COL24A1: variants seen among roughly 807,000 people sequenced by gnomAD.
COL24A1 encodes collagen type XXIV alpha 1 chain.
A neutral mutation model predicts 253.9 loss-of-function variants in COL24A1; 224 were observed. That is an observed-to-expected ratio of 0.88 (90% CI 0.79 to 0.99). The LOEUF is 0.99. COL24A1 is among the 50% of genes least tolerant of loss of function. COL24A1 has a pLI of 0.00. For missense variants in COL24A1, 2,131 were observed against 2,068.5 expected (o/e 1.03, Z -0.59); for synonymous variants, 685 against 673.7 (o/e 1.02, Z -0.26).
rs1272676207 is a variant in COL24A1 at position 85,832,642 on chromosome 1, G to C, written c.3681+5943C>G. On this transcript the variant is annotated intron_variant, in intron 43 of 59. Coordinates refer to ENST00000370571, the MANE Select transcript of COL24A1 (RefSeq NM_152890.7). The stretch of plus-strand genomic sequence containing the variant: ...AGTTCTCCTTGAAGAGGTCCTTCAC[G>C]TCCCTTGTAAGTTGGATTCCTAGGT... 2.7e-5 allele frequency among the ~76,000 whole-genome samples: 4 copies of C among 150,624 alleles called. No individual in the cohort carries two copies. In the East Asian group the frequency reaches 7.8e-4, roughly 29 times the overall value.
intron 2 of COL24A1, among the ~76,000 whole-genome samples, chr1:86,139,942 C>G (rs1350867522): frequency 6.6e-6 from 1 of 152,086 alleles, no homozygotes; most frequent in African/African-American, 2.4e-5. Context: ...AGAATCAAGA[C>G]TCAAATACAG....
intron 39 of COL24A1, among the ~76,000 whole-genome samples, chr1:85,844,637 A>T (rs1236891392): frequency 6.6e-6 from 1 of 152,002 alleles, no homozygotes; most frequent in African/African-American, 2.4e-5. Context: ...ACACGATAAA[A>T]CAACATTAGA....
At chr1:85,941,000 A>G (rs1334227940) in intron 24 of COL24A1, among the ~76,000 whole-genome samples, 3 of 152,202 alleles carry the variant, frequency 2.0e-5, no homozygotes, top group Admixed American at 6.5e-5. Context: ...AATATCATCC[A>G]CCTAACTTGG....
chr1:86,043,886 A>G (rs1435380944), intron 12 of COL24A1, among the ~76,000 whole-genome samples: 1 of 152,128 alleles, frequency 6.6e-6, no homozygotes, highest in Non-Finnish European at 1.5e-5. Context: ...CTTATGCAAA[A>G]CCAAAAGTTT....
chr1:85,947,301 G>C (rs964748315), intron 24 of COL24A1, among the ~76,000 whole-genome samples: 49 of 152,080 alleles, frequency 3.2e-4, no homozygotes, highest in Non-Finnish European at 8.8e-5. Flanking sequence ...CCATATGCCA[G>C]GAATGTGTCA....
At chr1:86,102,032 A>C (rs1283653954) in intron 5 of COL24A1, among the ~76,000 whole-genome samples, 1 of 151,608 alleles carries the variant, frequency 6.6e-6, no homozygotes, top group African/African-American at 2.4e-5. Flanking sequence ...TTTTTAACCA[A>C]AAAAAGGCTA....
chr1:86,124,995 T>C lies in COL24A1; in HGVS notation c.1341A>G (p.Leu447=), dbSNP rs377144764. The C allele has an allele frequency of 1.4e-5, 22 of 1,613,128 alleles. No individual in the cohort carries two copies. The African/African-American group carries it at 2.4e-4, about 18-fold the overall frequency. ...CAGGATAAAATTCACCTTCTTTCCT[T>C]AGATCAAGGTGATTATCCACAGATG... ...NEPSVDNHLD[L]RKEGEFYPDA... The change falls in exon 3 of 60, where the codon CTA becomes CTG. Residue 447 remains leucine, a synonymous_variant. Coordinates refer to ENST00000370571, the MANE Select transcript of COL24A1 (RefSeq NM_152890.7).
chr1:85,872,183 C>T (rs1030098351), intron 35 of COL24A1, among the ~76,000 whole-genome samples: 4 of 151,880 alleles, frequency 2.6e-5, no homozygotes, highest in African/African-American at 4.8e-5. Context: ...CACTGCTCAA[C>T]GAAATAAAAG....
At chr1:85,906,001 G>A (rs1684780694) in intron 28 of COL24A1, among the ~76,000 whole-genome samples, 1 of 152,006 alleles carries the variant, frequency 6.6e-6, no homozygotes, top group African/African-American at 2.4e-5. Context: ...CTAAATGGCA[G>A]TTTGGGTACA....
At chr1:86,008,003 A>G (rs1696127234) in intron 19 of COL24A1, among the ~76,000 whole-genome samples, 1 of 152,180 alleles carries the variant, frequency 6.6e-6, no homozygotes, top group Non-Finnish European at 1.5e-5. Context: ...AGGTTCATCA[A>G]TTGTAACAAA....
At chr1:85,747,256 G>C (rs552885111) in intron 55 of COL24A1, among the ~76,000 whole-genome samples, 82 of 151,854 alleles carry the variant, frequency 5.4e-4, no homozygotes, top group Admixed American at 4.5e-3. Context: ...TGTGACTACA[G>C]GCTTGTGACA....
intron 19 of COL24A1, among the ~76,000 whole-genome samples, chr1:85,990,174 T>G (rs1469651391): frequency 1.3e-5 from 2 of 152,226 alleles, no homozygotes; most frequent in Non-Finnish European, 1.5e-5. Flanking sequence ...CGTGGCTTGT[T>G]GTAGCCCCTC....
chr1:86,136,291 T>A lies in COL24A1; in HGVS notation c.121+9828A>T, dbSNP rs370741853. Among the ~76,000 whole-genome samples the A allele has an allele frequency of 3.9e-5, 6 of 152,112 alleles. No homozygotes were observed. The East Asian group carries it at 7.7e-4, about 20-fold the overall frequency. Reference sequence around the variant, plus strand: ...CCCTGTAGCACTTGTGTACAAGGGCTAAATGTATATTTTGGGGTGTGTTTC... The same window carrying A: ...CCCTGTAGCACTTGTGTACAAGGGCAAAATGTATATTTTGGGGTGTGTTTC... On this transcript the variant is annotated intron_variant, in intron 2 of 59. Coordinates refer to ENST00000370571, the MANE Select transcript of COL24A1 (RefSeq NM_152890.7).
intron 24 of COL24A1, among the ~76,000 whole-genome samples, chr1:85,917,627 T>A (rs1000328394): frequency 1.3e-5 from 2 of 152,068 alleles, no homozygotes; most frequent in South Asian, 4.1e-4. Context: ...AGATTTCCTA[T>A]ATTTTCTTGA....
At chr1:85,768,594 A>C (rs1156468) in intron 53 of COL24A1, among the ~76,000 whole-genome samples, 132,282 of 146,748 alleles carry the variant, frequency 0.9, 60,239 homozygotes, top group Non-Finnish European at 0.96. Context: ...GTGCGGGGGG[A>C]GGGCTTATTT....
chr1:86,143,011 T>C (rs779028950), intron 2 of COL24A1, among the ~76,000 whole-genome samples: 4 of 152,158 alleles, frequency 2.6e-5, no homozygotes, highest in African/African-American at 4.8e-5. Flanking sequence ...GATGAAAATA[T>C]TTCAAATTCT....
intron 43 of COL24A1, among the ~76,000 whole-genome samples, chr1:85,833,884 C>T (rs1008375723): frequency 6.9e-6 from 1 of 145,634 alleles, no homozygotes; most frequent in African/African-American, 2.6e-5. Context: ...CCAAACACTG[C>T]ATGTTCTCAC....
At chr1:85,971,538 C>A in intron 20 of COL24A1, 145 bp from the exon 21 acceptor site, 2 of 636,774 alleles carry the variant, frequency 3.1e-6, no homozygotes, top group Non-Finnish European at 5.4e-6. Context: ...GCAGTATGGG[C>A]AAACAGAAAA....
intron 7 of COL24A1, among the ~76,000 whole-genome samples, chr1:86,066,982 C>CA (rs1490955464): frequency 2.6e-5 from 4 of 151,546 alleles, no homozygotes; most frequent in African/African-American, 7.3e-5. Flanking sequence ...ATTAAAAATA[C>CA]AAAAAAATTA....
Sources: gnomAD v4.1 joint callset for allele counts (sites outside exome capture counted in the v4.1 genomes callset) on GRCh38, gnomAD v4.1.1 for gene constraint, MANE v1.5 for transcripts, NCBI Gene and HGNC (gene_info 2026-07-23, HGNC 2026-07-21) for gene names.